Variants in XYLT1 observed in about 807,000 individuals in gnomAD.
XYLT1 encodes the protein beta-D-xylosyltransferase 1.
In XYLT1, 36 loss-of-function variants were observed where a neutral mutation model predicts 91.3. That is an observed-to-expected ratio of 0.39 (90% CI 0.30 to 0.52). XYLT1 has a LOEUF of 0.52. Among genes scored for constraint, XYLT1 ranks in the 20% least tolerant of loss-of-function variants. The pLI is 0.68. For missense variants in XYLT1, 1,242 were observed against 1,284.5 expected (o/e 0.97, Z 0.51); for synonymous variants, 588 against 532.0 (o/e 1.11, Z -1.45).
chr16:17,229,456 T>C (rs532754622), intron 3 of XYLT1, among the ~76,000 whole-genome samples: 1 of 152,132 alleles, frequency 6.6e-6, no homozygotes, highest in South Asian at 2.1e-4. Context: ...AACTAGAGAG[T>C]ATGGAGTCTA....
chr16:17,236,408 G>A (rs1395458775), intron 3 of XYLT1, among the ~76,000 whole-genome samples: 2 of 148,844 alleles, frequency 1.3e-5, no homozygotes, highest in East Asian at 4.0e-4. Flanking sequence ...AGGAGTGTCA[G>A]TATCACAACT....
chr16:17,108,688 C>T lies in XYLT1; in HGVS notation c.*7G>A. On this transcript the variant is annotated 3_prime_UTR_variant, in exon 12 of 12. Transcript: ENST00000261381. ...ATCCTGCTGTGGCCCACTCCTCGTG[C>T]CCAGTGCTACCTGAGCCGGCCATCA... is the stretch of plus-strand genomic sequence containing the variant. 6.4e-7 allele frequency: 1 copy of T among 1,557,560 alleles called. No individual in the cohort carries two copies. Among genetic ancestry groups the T allele is most frequent in the South Asian group, 1.2e-5 (1 of 84,718 alleles).
intron 1 of XYLT1, among the ~76,000 whole-genome samples, chr16:17,414,765 C>T (rs1332650850): frequency 6.6e-6 from 1 of 152,178 alleles, no homozygotes; most frequent in Non-Finnish European, 1.5e-5. Context: ...CCACCACCTC[C>T]TCACTGTGTG....
chr16:17,222,616 C>G (rs546762750), intron 3 of XYLT1, among the ~76,000 whole-genome samples: 137 of 152,030 alleles, frequency 9.0e-4, no homozygotes, highest in Middle Eastern at 3.4e-3. Flanking sequence ...ATGACGAAAC[C>G]CCATCTCTAC....
chr16:17,240,626 C>T (rs1019095632), intron 3 of XYLT1, among the ~76,000 whole-genome samples: 1 of 152,132 alleles, frequency 6.6e-6, no homozygotes, highest in African/African-American at 2.4e-5. Context: ...GAGAACTAAC[C>T]TTTTTCAAGC....
At chr16:17,253,731 G>A (rs1199464837) in intron 3 of XYLT1, among the ~76,000 whole-genome samples, 1 of 151,822 alleles carries the variant, frequency 6.6e-6, no homozygotes, top group Non-Finnish European at 1.5e-5. Context: ...AGATCCACGT[G>A]GTCTGCCTCC....
chr16:17,284,210 A>C (rs34851960), intron 2 of XYLT1, among the ~76,000 whole-genome samples: 34,581 of 152,206 alleles, frequency 0.23, 4,064 homozygotes, highest in Middle Eastern at 0.37. Context: ...TTAAGTGTTC[A>C]GCACAGCAAC....
At chr16:17,209,335 T>A (rs1040974524) in intron 3 of XYLT1, among the ~76,000 whole-genome samples, 2 of 152,262 alleles carry the variant, frequency 1.3e-5, no homozygotes, top group African/African-American at 4.8e-5. Flanking sequence ...TGTCAGAATT[T>A]CATTCCTTTT....
intron 5 of XYLT1, among the ~76,000 whole-genome samples, chr16:17,195,685 C>T (rs957253386): frequency 6.6e-6 from 1 of 152,068 alleles, no homozygotes. Flanking sequence ...ACCTTGTGAT[C>T]CACCTGCCTT....
intron 2 of XYLT1, among the ~76,000 whole-genome samples, chr16:17,325,421 A>AT (rs1295397808): frequency 6.6e-6 from 1 of 152,188 alleles, no homozygotes; most frequent in African/African-American, 2.4e-5. Flanking sequence ...GAATACTCTG[A>AT]TTTTAGAAGA....
chr16:17,182,921 G>A (rs1020662626), intron 5 of XYLT1, among the ~76,000 whole-genome samples: 8 of 152,174 alleles, frequency 5.3e-5, no homozygotes, highest in African/African-American at 1.9e-4. Flanking sequence ...AGAGCACACA[G>A]TCAGTAAAGC....
intron 5 of XYLT1, among the ~76,000 whole-genome samples, chr16:17,159,843 C>T (rs1021617992): frequency 6.6e-6 from 1 of 152,202 alleles, no homozygotes. Context: ...GGCAGTCACA[C>T]GGGTCTCCAT....
chr16:17,441,875 A>T (rs761123905), intron 1 of XYLT1, among the ~76,000 whole-genome samples: 14 of 152,158 alleles, frequency 9.2e-5, no homozygotes, highest in Non-Finnish European at 1.6e-4. Context: ...TCAAAGCGTT[A>T]AAGTTATTTT....
At chr16:17,354,667 G>A (rs979797055) in intron 2 of XYLT1, 1 of 152,218 alleles carries the variant, frequency 6.6e-6, no homozygotes, top group Non-Finnish European at 1.5e-5. Flanking sequence ...AGCGGGAACT[G>A]ACCCAGGGCT....
intron 2 of XYLT1, chr16:17,338,296 C>A (rs912186805): frequency 2.2e-6 from 1 of 456,370 alleles, no homozygotes; most frequent in African/African-American, 2.0e-5. Context: ...TTCAGTGGCT[C>A]CCCATTACCT....
rs1329873010 is a variant in XYLT1, at chr16:17,102,364, T to C, written c.*6331A>G. ...GTTTTTTTAATTTTAAAATTCTGCATCTGAAAACACAGTATGACAGAAAGC... is the reference window on the plus strand; with the variant it reads ...GTTTTTTTAATTTTAAAATTCTGCACCTGAAAACACAGTATGACAGAAAGC... On this transcript the variant is annotated 3_prime_UTR_variant, in exon 12 of 12. Transcript: ENST00000261381. 6.6e-6 allele frequency: 1 copy of C among 152,634 alleles called. No individual in the cohort carries two copies. The highest frequency in any genetic ancestry group is 2.4e-5 in the African/African-American group (1 of 41,446). 9.5% of individuals were successfully genotyped at this position (152,634 alleles called of 1,614,324 possible). A position where few individuals can be genotyped will look rare whatever the true frequency, so the allele number is the denominator to read the frequency against.
At chr16:17,253,960 C>T (rs2033590320) in intron 3 of XYLT1, among the ~76,000 whole-genome samples, 1 of 152,138 alleles carries the variant, frequency 6.6e-6, no homozygotes, top group South Asian at 2.1e-4. Context: ...GAAAGGGATA[C>T]AGGCTCTGTA....
intron 5 of XYLT1, among the ~76,000 whole-genome samples, chr16:17,164,507 A>T (rs1251967745): frequency 6.6e-6 from 1 of 152,096 alleles, no homozygotes; most frequent in Non-Finnish European, 1.5e-5. Flanking sequence ...GACACTCTCT[A>T]CCTGTTAAAT....
rs567592672 is a variant in XYLT1 at position 17,275,546 on chromosome 16, G to A, written c.403-16048C>T. Among the ~76,000 whole-genome samples, 51 of 152,220 alleles carry A rather than the reference G, an allele frequency of 3.4e-4. 2 individuals are homozygous for A. The South Asian group carries it at 5.0e-3, about 15-fold the overall frequency. ...TCCTGGTGTAAAGTCCTCTTGCCTG[G>A]CTGCCTGTGATTCATTCTCTACCTC... On this transcript the variant is annotated intron_variant, in intron 2 of 11. Coordinates refer to ENST00000261381, the MANE Select transcript of XYLT1 (RefSeq NM_022166.4).
Sources: gnomAD v4.1 joint callset for allele counts (sites outside exome capture counted in the v4.1 genomes callset) on GRCh38, gnomAD v4.1.1 for gene constraint, MANE v1.5 for transcripts, NCBI Gene and HGNC (gene_info 2026-07-23, HGNC 2026-07-21) for gene names.